The following PDE3B variants were observed in gnomAD, a reference collection of about 807,000 sequenced individuals.
PDE3B encodes phosphodiesterase 3B, also known as cGMP-inhibited 3',5'-cyclic phosphodiesterase 3B.
PDE3B carries 66 observed loss-of-function variants against 116.8 expected under a neutral mutation model. That is an observed-to-expected ratio of 0.56 (90% confidence interval 0.46 to 0.69). The LOEUF (loss-of-function observed/expected upper bound fraction) is 0.69. PDE3B is among the 30% of genes least tolerant of loss of function. The pLI, the probability that PDE3B is intolerant of heterozygous loss-of-function variation, is 0.00. For synonymous variants in PDE3B, 595 were observed against 533.6 expected, an observed-to-expected ratio of 1.12 and a Z score of -1.59; for missense variants, 1,384 against 1,368.1, an observed-to-expected ratio of 1.01 and a Z score of -0.18.
intron 1 of PDE3B, among the ~76,000 whole-genome samples, chr11:14,715,446 T>A (rs1313567611): frequency 6.6e-6 from 1 of 152,136 alleles, no homozygotes; most frequent in East Asian, 1.9e-4. Flanking sequence ...TGAGCAGTGG[T>A]TTGTAGTTCT....
chr11:14,723,982 GATATT>G (rs1856204007), intron 1 of PDE3B, among the ~76,000 whole-genome samples: 1 of 152,180 alleles, frequency 6.6e-6, no homozygotes, highest in Non-Finnish European at 1.5e-5. Context: ...GTTTTTAACA[GATATT>G]ATGTTAAGGT....
intron 1 of PDE3B, among the ~76,000 whole-genome samples, chr11:14,687,804 CTAAT>C (rs140455875): frequency 6.6e-6 from 1 of 152,270 alleles, no homozygotes; most frequent in East Asian, 1.9e-4. Context: ...TTGTCAATAT[CTAAT>C]TGATTAGCAT....
At chr11:14,898,375 A>T in the PDE3B span, among the ~76,000 whole-genome samples, 3 of 152,116 alleles carry the variant, frequency 2.0e-5, no homozygotes, top group East Asian at 5.8e-4. Context: ...TGGGAATTGT[A>T]CACTTCTGCT....
At chr11:14,735,996 G>GTA (rs1856588168) in intron 1 of PDE3B, among the ~76,000 whole-genome samples, 1 of 151,164 alleles carries the variant, frequency 6.6e-6, no homozygotes, top group Non-Finnish European at 1.5e-5. Context: ...GTGTGTGTGT[G>GTA]ACTCCTTATT....
chr11:14,800,262 C>A (rs1041971606), intron 4 of PDE3B, among the ~76,000 whole-genome samples: 1 of 152,116 alleles, frequency 6.6e-6, no homozygotes, highest in Non-Finnish European at 1.5e-5. Flanking sequence ...GTCAGGAGTT[C>A]GATTCCAGCC....
chr11:14,651,408 C>A (rs1303604600), intron 1 of PDE3B, among the ~76,000 whole-genome samples: 2 of 152,096 alleles, frequency 1.3e-5, no homozygotes, highest in African/African-American at 4.8e-5. Flanking sequence ...GATTAGGACT[C>A]AACATATTTT....
intron 1 of PDE3B, among the ~76,000 whole-genome samples, chr11:14,736,846 A>C (rs933710421): frequency 6.6e-6 from 1 of 152,148 alleles, no homozygotes; most frequent in African/African-American, 2.4e-5. Context: ...TGATCATCTG[A>C]GAGAGATAGT....
chr11:14,891,365 A>G, the PDE3B span: 14 of 985,440 alleles, frequency 1.4e-5, no homozygotes, highest in African/African-American at 2.3e-4. Context: ...CGGCATTACC[A>G]TCTGCGCTGT....
the PDE3B span, chr11:14,880,161 G>T: frequency 6.2e-7 from 1 of 1,612,594 alleles, no homozygotes; most frequent in African/African-American, 1.3e-5. Flanking sequence ...AAAGGGCCAT[G>T]AAAAGAATCG....
Position 14,869,687 on chromosome 11 carries a change from T to A in PDE3B, c.*27T>A. On this transcript the variant is annotated 3_prime_UTR_variant, in exon 16 of 16. Coordinates refer to ENST00000282096, the MANE Select transcript of PDE3B (RefSeq NM_000922.4). ...GACAGTTTGAGTAAAAGAAAAGTCA[T>A]ATTGAAGAAGCCCAGAGGGTTGTGC... 3 of 1,590,406 alleles carry A rather than the reference T, an allele frequency of 1.9e-6. No homozygotes were observed. In the African/African-American group the frequency reaches 4.0e-5, roughly 21 times the overall value.
chr11:14,886,363 C>T, the PDE3B span: 2 of 172,144 alleles, frequency 1.2e-5, no homozygotes, highest in African/African-American at 4.8e-5. Context: ...ATGAATGAGG[C>T]TAGTGAGGGA....
chr11:14,806,858 CAAAAAAAAAA>C (rs953411145), intron 5 of PDE3B, among the ~76,000 whole-genome samples: 2 of 45,930 alleles, frequency 4.4e-5, no homozygotes, highest in Non-Finnish European at 8.0e-5. Context: ...GACTCCGTCT[CAAAAAAAAAA>C]AAAAAAAAAA....
chr11:14,663,873 C>A (rs1254969307), intron 1 of PDE3B, among the ~76,000 whole-genome samples: 1 of 152,166 alleles, frequency 6.6e-6, no homozygotes, highest in East Asian at 1.9e-4. Context: ...AGAAAGTTAA[C>A]AAGGATACCC....
the PDE3B span, chr11:14,886,841 A>C: frequency 1.3e-5 from 2 of 152,304 alleles, no homozygotes; most frequent in African/African-American, 2.4e-5. Context: ...CAGGAGGCTT[A>C]GCAGAGAACA....
At chr11:14,728,221 A>G (rs1164072809) in intron 1 of PDE3B, among the ~76,000 whole-genome samples, 1 of 152,096 alleles carries the variant, frequency 6.6e-6, no homozygotes, top group Non-Finnish European at 1.5e-5. Flanking sequence ...GGCTAAACCC[A>G]CTGTGGCTGA....
intron 1 of PDE3B, among the ~76,000 whole-genome samples, chr11:14,707,334 A>T (rs1054665321): frequency 1.3e-5 from 2 of 151,986 alleles, no homozygotes; most frequent in African/African-American, 4.8e-5. Context: ...AAAGATGAAT[A>T]TTGCTAAAGG....
intron 1 of PDE3B, among the ~76,000 whole-genome samples, chr11:14,734,904 CTTTA>C (rs977133361): frequency 3.3e-5 from 5 of 152,056 alleles, no homozygotes; most frequent in Non-Finnish European, 5.9e-5. Context: ...AATATCTGTT[CTTTA>C]TTTAAGTTTC....
intron 2 of PDE3B, among the ~76,000 whole-genome samples, chr11:14,784,970 ATAT>A (rs1436258616): frequency 3.9e-5 from 6 of 152,244 alleles, no homozygotes; most frequent in Admixed American, 3.9e-4. Flanking sequence ...GAATATGTAA[ATAT>A]TATAAGGAAC....
chr11:14,812,921 G>A (rs1288137972), intron 5 of PDE3B, among the ~76,000 whole-genome samples: 2 of 152,274 alleles, frequency 1.3e-5, no homozygotes, highest in East Asian at 1.9e-4. Flanking sequence ...GGTCATGTGA[G>A]TGGACTCTTC....
Sources: allele counts gnomAD v4.1 joint callset (sites outside exome capture counted in the v4.1 genomes callset), GRCh38; gene constraint gnomAD v4.1.1; transcripts MANE v1.5; gene names NCBI Gene and HGNC (gene_info 2026-07-23, HGNC 2026-07-21).